Variants in RGS4 observed in about 807,000 individuals in gnomAD.
RGS4 encodes the protein schizophrenia disorder 9.
A neutral mutation model predicts 21.6 loss-of-function variants in RGS4; 15 were observed. That is an observed-to-expected ratio of 0.69 (90% confidence interval 0.46 to 1.07). The LOEUF (loss-of-function observed/expected upper bound fraction) is 1.07. Ranked by LOEUF, RGS4 falls within the 50% of genes least tolerant of loss-of-function variation. The pLI is 0.00. For missense variants in RGS4, 237 were observed against 239.0 expected (o/e 0.99, Z 0.06); for synonymous variants, 94 against 85.5 (o/e 1.10, Z -0.55).
In RGS4 at chr1:163,069,484, G is replaced by A; in HGVS notation, c.-1G>A. On this transcript the variant is annotated 5_prime_UTR_variant, in exon 1 of 5. Coordinates refer to ENST00000367909, the MANE Select transcript of RGS4 (RefSeq NM_005613.6). Reference sequence around the variant, plus strand: ...TTGCGAATTCCAAGCTGTTAAATAAGATGTGCAAAGGGCTTGCAGGTCTGC... The same window carrying A: ...TTGCGAATTCCAAGCTGTTAAATAAAATGTGCAAAGGGCTTGCAGGTCTGC... The A allele has an allele frequency of 6.2e-7, 1 of 1,613,566 alleles. No individual in the cohort carries two copies. The highest frequency in any genetic ancestry group is 2.2e-5 in the East Asian group (1 of 44,800).
intron 1 of RGS4, 114 bp downstream of exon 1, chr1:163,069,642 A>T: frequency 2.4e-6 from 2 of 841,178 alleles, no homozygotes. Context: ...TGTGGTCAGG[A>T]GAGCACGACT....
chr1:163,073,530 G>A lies in RGS4; in HGVS notation c.286G>A (p.Glu96Lys). ...EENIDFWISCEEYKKIKSPSK... is the reference protein window; with the variant it reads ...EENIDFWISCKEYKKIKSPSK... Reference sequence around the variant, plus strand: ...GAATATTGACTTCTGGATCAGCTGTGAAGAGTACAAGAAAATCAAATCACC... The same window carrying A: ...GAATATTGACTTCTGGATCAGCTGTAAAGAGTACAAGAAAATCAAATCACC... Residue 96 changes from glutamate (E) to lysine (K), a missense_variant, in exon 4 of 5, where the codon GAA becomes AAA. Transcript: ENST00000367909. 1 of 1,611,598 alleles carries A rather than the reference G, an allele frequency of 6.2e-7. No homozygotes were observed. The highest frequency in any genetic ancestry group is 8.5e-7 in the Non-Finnish European group (1 of 1,178,922).
chr1:163,072,205 G>A (rs1324066506), intron 1 of RGS4, 190 bp from the exon 2 acceptor site: 10 of 977,082 alleles, frequency 1.0e-5, no homozygotes, highest in Admixed American at 4.0e-5. Context: ...ACTGCCTCAA[G>A]GTTTTGTAGC....
intron 1 of RGS4, 64 bp from the exon 2 acceptor site, chr1:163,072,331 C>A: frequency 1.6e-6 from 2 of 1,255,688 alleles, no homozygotes; most frequent in Non-Finnish European, 2.3e-6. Context: ...CAAGCTCTAC[C>A]ATTAGGTATC....
At position 163,075,894 on chromosome 1, in the gene RGS4, G is replaced by T. The variant is rs150115659; in HGVS notation, c.*1334G>T. ...TCTTGTTAATTTCATTCCAAACATC[G>T]GGGCTAACAGAGACTGGAGGCATTT... On this transcript the variant is annotated 3_prime_UTR_variant, in exon 5 of 5. Coordinates refer to ENST00000367909, the MANE Select transcript of RGS4 (RefSeq NM_005613.6). 1 of 152,260 alleles carries T rather than the reference G, an allele frequency of 6.6e-6. No individual in the cohort carries two copies. The highest frequency in any genetic ancestry group is 2.4e-5 in the African/African-American group (1 of 41,314). The allele number at this position is 152,260 out of a possible 1,614,324, so 9.4% of individuals were successfully genotyped here.
rs1272664156 is a variant in RGS4 at position 163,073,593 on chromosome 1, G to A, written c.349G>A (p.Glu117Lys). 2 of 1,606,394 alleles carry A rather than the reference G, an allele frequency of 1.2e-6. No homozygotes were observed. The highest frequency in any genetic ancestry group is 3.5e-5 in the Admixed American group (2 of 57,748). The change falls in exon 4 of 5, where the codon GAA becomes AAA. Residue 117 changes from glutamate (E) to lysine (K), a missense_variant. Transcript: ENST00000367909. The part of the protein sequence containing the change: ...LSPKAKKIYN[E>K]FISVQATKEV... ...TCCCAAGGCCAAAAAGATCTATAAT[G>A]AATTCATCTCAGTCCAGGCAACCAA...
At chr1:163,071,866 C>CCCCCGCCA (rs1655322914) in intron 1 of RGS4, 1 of 33,774 alleles carries the variant, frequency 3.0e-5, no homozygotes, top group South Asian at 1.5e-3. Context: ...CCCCCCCCCC[C>CCCCCGCCA]CCCCCCCAAC....
Position 163,073,579 on chromosome 1 carries a change from A to C in RGS4, c.335A>C (p.Lys112Thr). 6.2e-7 allele frequency: 1 copy of C among 1,611,322 alleles called. No homozygotes were observed. The highest frequency in any genetic ancestry group is 8.5e-7 in the Non-Finnish European group (1 of 1,179,118). The change falls in exon 4 of 5, where the codon AAA (lysine) becomes ACA (threonine). Residue 112 changes from lysine to threonine, a missense_variant. Lys to Thr is a moderately conservative substitution (Grantham distance 78). Coordinates refer to ENST00000367909, the MANE Select transcript of RGS4 (RefSeq NM_005613.6). ...KSPSKLSPKA[K>T]KIYNEFISVQ... ...CCATCTAAACTAAGTCCCAAGGCCA[A>C]AAAGATCTATAATGAATTCATCTCA... is the stretch of plus-strand genomic sequence containing the variant.
In RGS4 at chr1:163,074,942, C is replaced by T. The variant is rs1655448107; in HGVS notation, c.*382C>T. 1.9e-6 allele frequency: 1 copy of T among 535,126 alleles called. No individual in the cohort carries two copies. Among genetic ancestry groups the T allele is most frequent in the Non-Finnish European group, 3.3e-6 (1 of 299,648 alleles). 33.1% of individuals were successfully genotyped at this position (535,126 alleles called of 1,614,324 possible). A position where few individuals can be genotyped will look rare whatever the true frequency, so the allele number is the denominator to read the frequency against. ...CCACATGCACATGTATTCTGTTGGC[C>T]AGCACGTTCTCCAGACTCTAGATGT... On this transcript the variant is annotated 3_prime_UTR_variant, in exon 5 of 5. Coordinates refer to ENST00000367909, the MANE Select transcript of RGS4 (RefSeq NM_005613.6).
At chr1:163,072,121 T>TTCGGTTGGTCA (rs1655337673) in intron 1 of RGS4, 1 of 1,139,410 alleles carries the variant, frequency 8.8e-7, no homozygotes, top group Non-Finnish European at 1.1e-6. Flanking sequence ...GACGGGCATA[T>TTCGGTTGGTCA]AAAGGCTTCT....
chr1:163,069,111 T>G (rs1047785947), upstream of RGS4: 50 of 1,507,514 alleles, frequency 3.3e-5, no homozygotes, highest in Non-Finnish European at 4.2e-5. Flanking sequence ...TTTTTTTCCT[T>G]TTCTAGAAAT....
In RGS4 at chr1:163,076,274, T is replaced by C. The variant is rs753842882; in HGVS notation, c.*1714T>C. The C allele has an allele frequency of 6.6e-6, 1 of 152,612 alleles. No individual in the cohort carries two copies. The highest frequency in any genetic ancestry group is 2.1e-4 in the South Asian group (1 of 4,830). The allele number at this position is 152,612 out of a possible 1,614,324, so 9.5% of individuals were successfully genotyped here. Reference sequence around the variant, plus strand: ...CACCTTTCTGGCTTTTAAGCCAATATAATGGGCTGCAAAATGAAGACACCA... The same window carrying C: ...CACCTTTCTGGCTTTTAAGCCAATACAATGGGCTGCAAAATGAAGACACCA... On this transcript the variant is annotated 3_prime_UTR_variant, in exon 5 of 5. Coordinates refer to ENST00000367909, the MANE Select transcript of RGS4 (RefSeq NM_005613.6).
At chr1:163,069,165 C>T, upstream of RGS4, 4 of 1,497,356 alleles carry the variant, frequency 2.7e-6, no homozygotes, top group African/African-American at 4.2e-5. Context: ...ACATTTTTTC[C>T]CATATCCCTA....
chr1:163,070,876 C>A (rs1433433471), intron 1 of RGS4, among the ~76,000 whole-genome samples: 3 of 152,138 alleles, frequency 2.0e-5, no homozygotes, highest in African/African-American at 7.2e-5. Context: ...AACATCTTTA[C>A]CACCAGTGCC....
rs1655427581 is a variant in RGS4, at chr1:163,074,418, T to G, written c.476T>G (p.Leu159Arg). The change falls in exon 5 of 5, where the codon CTG becomes CGG. Residue 159 changes from leucine (L) to arginine (R), a missense_variant. Physicochemically the swap from Leu to Arg is moderately radical, Grantham distance 102. Transcript: ENST00000367909. ...FDEAQKKIFN[L>R]MEKDSYRRFL... Reference sequence around the variant, plus strand: ...GAGGCCCAGAAGAAGATTTTCAACCTGATGGAGAAGGATTCCTACCGCCGC... The same window carrying G: ...GAGGCCCAGAAGAAGATTTTCAACCGGATGGAGAAGGATTCCTACCGCCGC... 6.2e-7 allele frequency: 1 copy of G among 1,613,766 alleles called. No homozygotes were observed. Among genetic ancestry groups the G allele is most frequent in the African/African-American group, 1.3e-5 (1 of 74,886 alleles).
chr1:163,072,249 C>A, intron 1 of RGS4, 146 bp from the exon 2 acceptor site: 1 of 886,650 alleles, frequency 1.1e-6, no homozygotes, highest in South Asian at 2.1e-5. Flanking sequence ...TCTTGTTTTC[C>A]TCAGAGGTCA....
rs1655450052 is a variant in RGS4 at position 163,074,999 on chromosome 1, T to C, written c.*439T>C. 1.0e-5 allele frequency: 4 copies of C among 399,282 alleles called. No individual in the cohort carries two copies. Among genetic ancestry groups the C allele is most frequent in the Non-Finnish European group, 1.4e-5 (3 of 218,622 alleles). 24.7% of individuals were successfully genotyped at this position (399,282 alleles called of 1,614,324 possible). On this transcript the variant is annotated 3_prime_UTR_variant, in exon 5 of 5. Coordinates refer to ENST00000367909, the MANE Select transcript of RGS4 (RefSeq NM_005613.6). The stretch of plus-strand genomic sequence containing the variant: ...GAGGTTGAGCTATGATATGTGCTTG[T>C]GTGTATGTCTATGTGTATATATTAT...
upstream of RGS4, chr1:163,069,223 G>A (rs906826363): frequency 2.6e-6 from 4 of 1,534,610 alleles, no homozygotes; most frequent in African/African-American, 2.8e-5. Context: ...TTGCTGATGC[G>A]TCAGTCTTTT....
At chr1:163,073,379 T>C (rs1222207752) in intron 3 of RGS4, 77 bp from the exon 4 acceptor site, 1 of 1,226,332 alleles carries the variant, frequency 8.2e-7, no homozygotes, top group Admixed American at 2.7e-5. Flanking sequence ...CCCAAGTACC[T>C]CAGCTTTATG....
Sources: allele counts gnomAD v4.1 joint callset (sites outside exome capture counted in the v4.1 genomes callset), GRCh38; gene constraint gnomAD v4.1.1; transcripts MANE v1.5; gene names NCBI Gene and HGNC (gene_info 2026-07-23, HGNC 2026-07-21).